The following ZC3H7B variants were observed in gnomAD, a reference collection of about 807,000 sequenced individuals.
ZC3H7B encodes zinc finger CCCH domain-containing protein 7B.
ZC3H7B carries 35 observed loss-of-function variants against 116.0 expected under a neutral mutation model. That is an observed-to-expected ratio of 0.30 (90% CI 0.23 to 0.40). ZC3H7B has a LOEUF of 0.40. ZC3H7B is among the 10% of genes least tolerant of loss of function. The probability of loss-of-function intolerance (pLI) is 1.00; values close to 1 mark genes in which losing one functional copy is unlikely to be tolerated. For synonymous variants in ZC3H7B, 502 were observed against 545.6 expected, an observed-to-expected ratio of 0.92 and a Z score of 1.11; for missense variants, 1,011 against 1,321.5, an observed-to-expected ratio of 0.77 and a Z score of 3.64.
At chr22:41,343,380 T>C in intron 12 of ZC3H7B, 35 bp from the exon 13 acceptor site, 1 of 1,582,446 alleles carries the variant, frequency 6.3e-7, no homozygotes, top group Non-Finnish European at 8.6e-7. Flanking sequence ...CAATTCTGCT[T>C]CCGGAATTAT....
Position 41,339,147 on chromosome 22 carries a change from G to T in ZC3H7B, c.772G>T (p.Gly258Trp). Residue 258 changes from glycine (G) to tryptophan (W), a missense_variant, in exon 9 of 23, where the codon GGG becomes TGG. Gly to Trp is a radical substitution (Grantham distance 184, BLOSUM62 -2). Coordinates refer to ENST00000352645, the MANE Select transcript of ZC3H7B (RefSeq NM_017590.6). ...STDSLDDFSD[G>W]DVFGPELDTL... ...CGACAGCCTGGATGACTTCTCAGAC[G>T]GGGATGTCTTTGGCCCAGAGCTGGA... 1 of 1,612,776 alleles carries T rather than the reference G, an allele frequency of 6.2e-7. No homozygotes were observed. Among genetic ancestry groups the T allele is most frequent in the Non-Finnish European group, 8.5e-7 (1 of 1,179,400 alleles).
rs1291983718 is a variant in ZC3H7B at position 41,349,276 on chromosome 22, G to A, written c.1923G>A (p.Lys641=). Residue 641 remains lysine (K), a synonymous_variant, in exon 16 of 23, where the codon AAG becomes AAA. Coordinates refer to ENST00000352645, the MANE Select transcript of ZC3H7B (RefSeq NM_017590.6). The surrounding 1 kb of genome is among the most constrained non-coding windows in gnomAD (Gnocchi z 4.9). Reference sequence around the variant, plus strand: ...TCGCCCACAGCTTCATCGAGCTCAAGGTCTGGCTGCTGCAGCAGTACTCAG... The same window carrying A: ...TCGCCCACAGCTTCATCGAGCTCAAAGTCTGGCTGCTGCAGCAGTACTCAG... The part of the protein sequence containing the change: ...CHFAHSFIEL[K]VWLLQQYSGM... 1.2e-6 allele frequency: 2 copies of A among 1,613,714 alleles called. No individual in the cohort carries two copies. The highest frequency in any genetic ancestry group is 1.1e-5 in the South Asian group (1 of 91,082).
chr22:41,324,171 G>C (rs953189365), intron 2 of ZC3H7B, among the ~76,000 whole-genome samples: 2 of 152,162 alleles, frequency 1.3e-5, no homozygotes, highest in African/African-American at 4.8e-5. Context: ...GTAGTGATGG[G>C]GTCTTTAGTG....
intron 13 of ZC3H7B, 124 bp downstream of exon 13, chr22:41,343,700 G>C: frequency 7.5e-7 from 1 of 1,330,734 alleles, no homozygotes; most frequent in Non-Finnish European, 9.9e-7. Flanking sequence ...CACGGGAGGA[G>C]AAAGCCACGG....
Position 41,338,780 on chromosome 22 carries a change from A to C in ZC3H7B, c.626-221A>C, listed in dbSNP as rs986026883. 6.6e-6 allele frequency among the ~76,000 whole-genome samples: 1 copy of C among 152,126 alleles called. No homozygotes were observed. The highest frequency in any genetic ancestry group is 2.4e-5 in the African/African-American group (1 of 41,428). ...GGCATTGAGCCTGGGCCAAGGATTG[A>C]CATCATAGGACTGAGGGCCCCTCCC... On this transcript the variant is annotated intron_variant, in intron 8 of 22. Coordinates refer to ENST00000352645, the MANE Select transcript of ZC3H7B (RefSeq NM_017590.6). The surrounding 1 kb of genome is among the most constrained non-coding windows in gnomAD (Gnocchi z 4.5).
At chr22:41,356,158 C>T in intron 20 of ZC3H7B, 96 bp downstream of exon 20, 3 of 1,430,898 alleles carry the variant, frequency 2.1e-6, no homozygotes, top group Non-Finnish European at 2.8e-6. Context: ...TCCACTGCAC[C>T]CCTTTGCTAC....
chr22:41,307,526 A>G (rs1007923215), intron 1 of ZC3H7B, among the ~76,000 whole-genome samples: 7 of 152,272 alleles, frequency 4.6e-5, no homozygotes, highest in African/African-American at 1.4e-4. Context: ...ACATCTGGTA[A>G]CTTCAGTTCT....
rs535895533 is a variant in ZC3H7B, at chr22:41,345,044, G to A, written c.1460-959G>A. Among the ~76,000 whole-genome samples the A allele has an allele frequency of 7.2e-5, 11 of 152,088 alleles. No individual in the cohort carries two copies. In the South Asian group the frequency reaches 2.3e-3, roughly 32 times the overall value. On this transcript the variant is annotated intron_variant, in intron 13 of 22. Coordinates refer to ENST00000352645, the MANE Select transcript of ZC3H7B (RefSeq NM_017590.6). The stretch of plus-strand genomic sequence containing the variant: ...TGCCCAGCCTGGTCTTGAAGTCCTT[G>A]CCTCAAGCAATTCTCCTGCCTCAGC...
rs1418514715 is a variant in ZC3H7B, at chr22:41,356,011, G to C, written c.2332G>C (p.Ala778Pro). The C allele has an allele frequency of 5.1e-6, 8 of 1,567,866 alleles. No individual in the cohort carries two copies. Among genetic ancestry groups the C allele is most frequent in the Non-Finnish European group, 6.9e-6 (8 of 1,158,794 alleles). ...KCQYVGNCSF[A>P]HSPEERDMWT... ...CCAATATGTGGGGAACTGCTCCTTCGCACACAGCCCGGAGGAGAGGGACAT... is the reference window on the plus strand; with the variant it reads ...CCAATATGTGGGGAACTGCTCCTTCCCACACAGCCCGGAGGAGAGGGACAT... The change falls in exon 20 of 23, where the codon GCA becomes CCA. Residue 778 changes from alanine (A) to proline (P), a missense_variant. Around this residue, in one of 5 missense-constraint regions of ZC3H7B, gnomAD observed 406 missense variants for 590.2 expected, o/e 0.69. Transcript: ENST00000352645.
rs1054039844 is a variant in ZC3H7B, at chr22:41,359,224, T to G, written c.*1795T>G. 1.3e-5 allele frequency: 2 copies of G among 152,808 alleles called. No individual in the cohort carries two copies. Among genetic ancestry groups the G allele is most frequent in the African/African-American group, 2.4e-5 (1 of 41,442 alleles). 9.5% of individuals were successfully genotyped at this position (152,808 alleles called of 1,614,324 possible). A position where few individuals can be genotyped will look rare whatever the true frequency, so the allele number is the denominator to read the frequency against. Reference sequence around the variant, plus strand: ...TACTCGTTTTCCCTGATCCGTGGTGTTGCAGTCCGTTGTCACCAGCCTTGT... The same window carrying G: ...TACTCGTTTTCCCTGATCCGTGGTGGTGCAGTCCGTTGTCACCAGCCTTGT... On this transcript the variant is annotated 3_prime_UTR_variant, in exon 23 of 23. Coordinates refer to ENST00000352645, the MANE Select transcript of ZC3H7B (RefSeq NM_017590.6).
At chr22:41,303,126 GTCT>G (rs1475519989) in intron 1 of ZC3H7B, among the ~76,000 whole-genome samples, 1 of 152,174 alleles carries the variant, frequency 6.6e-6, no homozygotes, top group African/African-American at 2.4e-5. Flanking sequence ...CTCCGTGGTG[GTCT>G]TCTTTCCCCG....
At chr22:41,320,084 G>A (rs1048316978) in intron 1 of ZC3H7B, among the ~76,000 whole-genome samples, 2 of 147,034 alleles carry the variant, frequency 1.4e-5, no homozygotes, top group East Asian at 2.5e-4. Flanking sequence ...TGTCATCCCC[G>A]CACCTTGGGA....
chr22:41,343,607 A>T, intron 13 of ZC3H7B, 31 bp downstream of exon 13: 1 of 1,557,218 alleles, frequency 6.4e-7, no homozygotes, highest in Non-Finnish European at 8.7e-7. Flanking sequence ...CAGGCAGCAC[A>T]GCTGGGGCCC....
chr22:41,305,380 G>A (rs973222906), intron 1 of ZC3H7B, among the ~76,000 whole-genome samples: 5 of 151,322 alleles, frequency 3.3e-5, no homozygotes, highest in Non-Finnish European at 7.4e-5. Context: ...CATGCTGGTG[G>A]GTGCCTGTAA....
At chr22:41,354,584 G>C (rs1373997245) in intron 17 of ZC3H7B, among the ~76,000 whole-genome samples, 1 of 152,138 alleles carries the variant, frequency 6.6e-6, no homozygotes, top group Non-Finnish European at 1.5e-5. Context: ...CCCTGCACTC[G>C]AGGCTCCTGG....
rs2036746437 is a variant in ZC3H7B at position 41,358,236 on chromosome 22, T to A, written c.*807T>A. ...AGGGCTGAAAAGACTCAGGGCCAAT[T>A]ATTGGCTGAGCCCACGGTCCCCTCA... is the stretch of plus-strand genomic sequence containing the variant. On this transcript the variant is annotated 3_prime_UTR_variant, in exon 23 of 23. Transcript: ENST00000352645. The A allele has an allele frequency of 6.6e-6, 1 of 151,994 alleles. No individual in the cohort carries two copies. The highest frequency in any genetic ancestry group is 2.4e-5 in the African/African-American group (1 of 41,320). The allele number at this position is 151,994 out of a possible 1,614,324, so 9.4% of individuals were successfully genotyped here.
chr22:41,344,763 C>A (rs2145934024), intron 13 of ZC3H7B, among the ~76,000 whole-genome samples: 1 of 152,304 alleles, frequency 6.6e-6, no homozygotes, highest in African/African-American at 2.4e-5. Context: ...TTCTGAGCCA[C>A]CTTTCCTCTC....
chr22:41,345,783 G>T (rs1405281588), intron 13 of ZC3H7B, among the ~76,000 whole-genome samples: 2 of 151,990 alleles, frequency 1.3e-5, no homozygotes, highest in Non-Finnish European at 2.9e-5. Flanking sequence ...CACCTGCGTT[G>T]GGGTGCAGAA....
rs143172410 is a variant in ZC3H7B at position 41,311,232 on chromosome 22, G to C, written c.-6-9423G>C. ...GGGGTGCATTGGAAACTTGGCAAGA[G>C]ATGTTGAGGGTCCGAGAGGTGGCCG... On this transcript the variant is annotated intron_variant, in intron 1 of 22. Transcript: ENST00000352645. Among the ~76,000 whole-genome samples the C allele has an allele frequency of 2.2e-4, 33 of 152,112 alleles. 1 individual carries two copies. In the East Asian group the frequency reaches 5.6e-3, roughly 26 times the overall value.
Sources: allele counts gnomAD v4.1 joint callset (sites outside exome capture counted in the v4.1 genomes callset), GRCh38; gene constraint gnomAD v4.1.1; regional missense constraint gnomAD v4.1.1; non-coding constraint Gnocchi (gnomAD v3.1); transcripts MANE v1.5; gene names NCBI Gene and HGNC (gene_info 2026-07-23, HGNC 2026-07-21).